Variants in NCOR1 observed in about 807,000 individuals in gnomAD.
The protein encoded by NCOR1 is protein phosphatase 1, regulatory subunit 109.
In NCOR1, 63 loss-of-function variants were observed where a neutral mutation model predicts 288.1. The ratio of observed to expected loss-of-function variants is 0.22; its 90% CI spans 0.18 to 0.27. NCOR1 has a LOEUF of 0.27. NCOR1 is among the 10% of genes least tolerant of loss of function. The pLI, the probability that NCOR1 is intolerant of heterozygous loss-of-function variation, is 1.00. For missense variants in NCOR1, 2,397 were observed against 3,019.2 expected (o/e 0.79, Z 4.83); for synonymous variants, 1,007 against 1,065.9 (o/e 0.94, Z 1.08).
intron 14 of NCOR1, among the ~76,000 whole-genome samples, chr17:16,136,602 T>C (rs770163199): frequency 3.3e-5 from 5 of 152,030 alleles, no homozygotes; most frequent in African/African-American, 4.8e-5. Context: ...AGTCAGGAGA[T>C]TGAGACCATC....
Position 16,139,190 on chromosome 17 carries a change from G to A in NCOR1, c.1174-4C>T. 1.2e-6 allele frequency: 2 copies of A among 1,600,958 alleles called. No homozygotes were observed. Among genetic ancestry groups the A allele is most frequent in the South Asian group, 2.2e-5 (2 of 89,078 alleles). On this transcript the variant is annotated splice_polypyrimidine_tract_variant and splice_region_variant and intron_variant, in intron 11 of 45. Coordinates refer to ENST00000268712, the MANE Select transcript of NCOR1 (RefSeq NM_006311.4). ...GCCGCATTTGTTTCTCATTATTCTG[G>A]AAAAAAAATACAATTTACTTAGAAT...
Position 16,075,561 on chromosome 17 carries a change from T to G in NCOR1, c.3643A>C (p.Lys1215Gln). The change falls in exon 27 of 46, where the codon AAA becomes CAA. Residue 1215 changes from lysine to glutamine, a missense_variant. Physicochemically the swap from Lys to Gln is moderately conservative, Grantham distance 53. Coordinates refer to ENST00000268712, the MANE Select transcript of NCOR1 (RefSeq NM_006311.4). ...TCATATGACAAGATATGTCCACTTT[T>G]GCCTTCATAAATAACATGGCCTTTG... ...ASKGHVIYEG[K>Q]SGHILSYDNI... The G allele has an allele frequency of 6.2e-7, 1 of 1,614,258 alleles. No individual in the cohort carries two copies. Among genetic ancestry groups the G allele is most frequent in the African/African-American group, 1.3e-5 (1 of 75,068 alleles).
chr17:16,098,704 G>A (rs941036488), intron 20 of NCOR1: 16 of 377,104 alleles, frequency 4.2e-5, no homozygotes, highest in Admixed American at 9.0e-5. Context: ...ACTGAATATC[G>A]TACTCACTTC....
At chr17:16,080,131 C>T in intron 25 of NCOR1, 67 bp from the exon 26 acceptor site, 2 of 1,345,030 alleles carry the variant, frequency 1.5e-6, no homozygotes, top group Non-Finnish European at 2.1e-6. Context: ...AAAAAAACAG[C>T]CCCTACTTGG....
intron 34 of NCOR1, 118 bp from the exon 35 acceptor site, chr17:16,064,305 A>G: frequency 7.3e-7 from 1 of 1,376,374 alleles, no homozygotes; most frequent in Non-Finnish European, 9.9e-7. Flanking sequence ...TTGGGATATA[A>G]GAAGTTTGTT....
intron 18 of NCOR1, among the ~76,000 whole-genome samples, chr17:16,109,180 A>C: frequency 6.6e-6 from 1 of 151,916 alleles, no homozygotes; most frequent in Middle Eastern, 3.4e-3. Flanking sequence ...CATGTATAAA[A>C]AGCCAAAAAT....
At chr17:16,079,444 C>G (rs2152807586) in intron 26 of NCOR1, among the ~76,000 whole-genome samples, 1 of 152,232 alleles carries the variant, frequency 6.6e-6, no homozygotes, top group South Asian at 2.1e-4. Context: ...TTAAAATTAA[C>G]AACTAACTGA....
In NCOR1 at chr17:16,208,020, G is replaced by A. The variant is rs146588220; in HGVS notation, c.-71+7342C>T. Among the ~76,000 whole-genome samples the A allele has an allele frequency of 9.7e-3, 1,344 of 138,022 alleles. 20 individuals carry two copies. The highest frequency in any genetic ancestry group is 0.068 in the East Asian group (334 of 4,880). 90.5% of individuals were successfully genotyped at this position (138,022 alleles called of 152,430 possible). On this transcript the variant is annotated intron_variant, in intron 1 of 45. Coordinates refer to ENST00000268712, the MANE Select transcript of NCOR1 (RefSeq NM_006311.4). ...TCTATTATAATCCTATCAACCAACC[G>A]TTCCATATTTCTTTCTTTTTTTTTT...
chr17:16,040,798 G>A, intron 42 of NCOR1: 1 of 378,382 alleles, frequency 2.6e-6, no homozygotes, highest in Non-Finnish European at 5.0e-6. Context: ...AGCAGGCTGA[G>A]GCGGTAGGAC....
At chr17:16,035,245 CTT>C (rs1484096693) in intron 44 of NCOR1, among the ~76,000 whole-genome samples, 3 of 152,136 alleles carry the variant, frequency 2.0e-5, no homozygotes, top group African/African-American at 7.2e-5. Context: ...TCATGAAAGA[CTT>C]ATTTGTAGCA....
chr17:16,126,594 AT>A, intron 14 of NCOR1, among the ~76,000 whole-genome samples: 1 of 152,014 alleles, frequency 6.6e-6, no homozygotes, highest in Non-Finnish European at 1.5e-5. Context: ...TATGTTTCCA[AT>A]TTTTTCATCA....
rs763446181 is a variant in NCOR1 at position 16,080,740 on chromosome 17, C to CA, written c.3178-14dup. 132 of 1,564,866 alleles carry CA rather than the reference C, an allele frequency of 8.4e-5. No homozygotes were observed. The highest frequency in any genetic ancestry group is 2.5e-4 in the South Asian group (21 of 83,358). On this transcript the variant is annotated splice_polypyrimidine_tract_variant and intron_variant, in intron 23 of 45. Coordinates refer to ENST00000268712, the MANE Select transcript of NCOR1 (RefSeq NM_006311.4). ...TGCCTGGTGTTCCCTAAGAAAAAAA[C>CA]AAAAAAAAATTTAAAGATTAAGCAA... is the stretch of plus-strand genomic sequence containing the variant.
intron 3 of NCOR1, among the ~76,000 whole-genome samples, chr17:16,186,332 G>A (rs879893076): frequency 6.6e-6 from 1 of 152,138 alleles, no homozygotes; most frequent in Admixed American, 6.5e-5. Context: ...GTGACCAGGT[G>A]GTTTACTGCC....
chr17:16,205,875 T>A lies in NCOR1; in HGVS notation c.-71+9487A>T, dbSNP rs150189555. Among the ~76,000 whole-genome samples, 592 of 149,520 alleles carry A rather than the reference T, an allele frequency of 4.0e-3. 2 individuals are homozygous for A. Among genetic ancestry groups the A allele is most frequent in the African/African-American group, 0.014 (569 of 40,496 alleles). ...TCGCTTGAACCCAGGAGGCAGAGGT[T>A]GTGGTGAGCTGAGATCAAGCCATTG... On this transcript the variant is annotated intron_variant, in intron 1 of 45. Transcript: ENST00000268712.
rs2064864470 is a variant in NCOR1, at chr17:16,089,690, T to C, written c.3016+2173A>G. 2.0e-5 allele frequency among the ~76,000 whole-genome samples: 3 copies of C among 152,160 alleles called. No individual in the cohort carries two copies. The South Asian group carries it at 6.2e-4, about 31-fold the overall frequency. The stretch of plus-strand genomic sequence containing the variant: ...ATACATAAATCCATACTATCACTAT[T>C]CTTCACATTCTATAAACTGTTCTAT... On this transcript the variant is annotated intron_variant, in intron 22 of 45. Transcript: ENST00000268712.
chr17:16,087,736 C>T (rs1451422640), intron 22 of NCOR1, among the ~76,000 whole-genome samples: 5 of 152,166 alleles, frequency 3.3e-5, no homozygotes. Flanking sequence ...TGTTGAAGCT[C>T]ACTCCTTGCT....
intron 44 of NCOR1, among the ~76,000 whole-genome samples, chr17:16,035,151 G>T (rs1398346100): frequency 6.6e-6 from 1 of 152,148 alleles, no homozygotes. Flanking sequence ...CTGGTGGATG[G>T]TCTTGCCTCC....
Position 16,126,166 on chromosome 17 carries a change from T to G in NCOR1, c.1550A>C (p.Lys517Thr). Reference sequence around the variant, plus strand: ...TGTTTTTTCTGCTTTATCCTCTTCTTTTTCTTCTACTTTTTCTTCTTGCGA... The same window carrying G: ...TGTTTTTTCTGCTTTATCCTCTTCTGTTTCTTCTACTTTTTCTTCTTGCGA... ...RPSQEEKVEEKEEDKAEKTEK... is the reference protein window; with the variant it reads ...RPSQEEKVEETEEDKAEKTEK... The change falls in exon 15 of 46, where the codon AAA (lysine) becomes ACA (threonine). Residue 517 changes from lysine to threonine, a missense_variant. Coordinates refer to ENST00000268712, the MANE Select transcript of NCOR1 (RefSeq NM_006311.4). The G allele has an allele frequency of 6.4e-7, 1 of 1,564,900 alleles. No individual in the cohort carries two copies. The highest frequency in any genetic ancestry group is 1.2e-5 in the South Asian group (1 of 80,122).
intron 14 of NCOR1, among the ~76,000 whole-genome samples, chr17:16,126,713 T>C (rs888183002): frequency 6.6e-6 from 1 of 152,186 alleles, no homozygotes; most frequent in African/African-American, 2.4e-5. Flanking sequence ...CTGAAGTAAT[T>C]TGGAAAAATA....
Sources: allele counts gnomAD v4.1 joint callset (sites outside exome capture counted in the v4.1 genomes callset), GRCh38; gene constraint gnomAD v4.1.1; transcripts MANE v1.5; gene names NCBI Gene and HGNC (gene_info 2026-07-23, HGNC 2026-07-21).